The following MAP3K1 variants were observed in gnomAD, a reference collection of about 807,000 sequenced individuals.
MAP3K1 encodes the protein mitogen-activated protein kinase kinase kinase 1, also known as MAP/ERK kinase kinase 1.
MAP3K1 carries 36 observed loss-of-function variants against 144.2 expected under a neutral mutation model. That is an observed-to-expected ratio of 0.25 (90% CI 0.19 to 0.33). The LOEUF (loss-of-function observed/expected upper bound fraction) is 0.33, where lower values mean the gene tolerates loss of function less well. Among genes scored for constraint, MAP3K1 ranks in the 10% least tolerant of loss-of-function variants. The pLI is 1.00. For synonymous variants in MAP3K1, 718 were observed against 688.7 expected (o/e 1.04, Z -0.67); for missense variants, 1,650 against 1,881.9 (o/e 0.88, Z 2.28).
At chr5:56,857,907 T>C (rs1747387701) in intron 2 of MAP3K1, among the ~76,000 whole-genome samples, 1 of 152,216 alleles carries the variant, frequency 6.6e-6, no homozygotes, top group Admixed American at 6.5e-5. Context: ...TAAATCTAAT[T>C]GTTCCTTTCC....
intron 1 of MAP3K1, among the ~76,000 whole-genome samples, chr5:56,849,291 G>T (rs983806384): frequency 6.6e-6 from 1 of 151,420 alleles, no homozygotes; most frequent in Admixed American, 6.6e-5. Context: ...GGAGGTTGCA[G>T]TGAGCCAAGA....
At chr5:56,861,360 T>C in intron 3 of MAP3K1, among the ~76,000 whole-genome samples, 1 of 151,834 alleles carries the variant, frequency 6.6e-6, no homozygotes, top group Non-Finnish European at 1.5e-5. Context: ...TCACTGGAGG[T>C]CAGGAGTTCA....
At chr5:56,826,036 A>G (rs1296489877) in intron 1 of MAP3K1, among the ~76,000 whole-genome samples, 2 of 152,036 alleles carry the variant, frequency 1.3e-5, no homozygotes, top group African/African-American at 4.8e-5. Flanking sequence ...GCATGAATAC[A>G]TAGATAAGGC....
chr5:56,862,352 A>C (rs1337399023), intron 3 of MAP3K1, among the ~76,000 whole-genome samples: 1 of 152,216 alleles, frequency 6.6e-6, no homozygotes, highest in Non-Finnish European at 1.5e-5. Context: ...AGCTAGTTGC[A>C]TGCCCAAACC....
At chr5:56,816,665 A>G (rs1745983405) in intron 1 of MAP3K1, among the ~76,000 whole-genome samples, 1 of 151,996 alleles carries the variant, frequency 6.6e-6, no homozygotes. Flanking sequence ...GCGCGCCCCC[A>G]GCGCCGGCCG....
Position 56,893,787 on chromosome 5 carries a change from T to A in MAP3K1, c.*107T>A. On this transcript the variant is annotated 3_prime_UTR_variant, in exon 20 of 20. Coordinates refer to ENST00000399503, the MANE Select transcript of MAP3K1 (RefSeq NM_005921.2). ...ACTGGCCATGATGCCACTGAACAGC[T>A]ATGAACGAGGCCAGTGGGGAACCCT... 8.1e-7 allele frequency: 1 copy of A among 1,234,264 alleles called. No individual in the cohort carries two copies. The allele number at this position is 1,234,264 out of a possible 1,614,324, so 76.5% of individuals were successfully genotyped here.
intron 9 of MAP3K1, 45 bp from the exon 10 acceptor site, chr5:56,874,987 A>G (rs771324632): frequency 2.5e-6 from 4 of 1,605,356 alleles, no homozygotes; most frequent in South Asian, 1.1e-5. Flanking sequence ...CTCTGGGTCC[A>G]TAAGCTTTTC....
intron 1 of MAP3K1, among the ~76,000 whole-genome samples, chr5:56,835,723 AG>A (rs918279262): frequency 5.3e-5 from 8 of 151,736 alleles, no homozygotes; most frequent in African/African-American, 1.2e-4. Context: ...TAAGATAAAA[AG>A]GGGGGGAATT....
rs376073926 is a variant in MAP3K1 at position 56,882,279 on chromosome 5, C to T, written c.3079C>T (p.Leu1027=). 1.2e-6 allele frequency: 2 copies of T among 1,614,132 alleles called. No homozygotes were observed. Among genetic ancestry groups the T allele is most frequent in the Non-Finnish European group, 1.7e-6 (2 of 1,180,006 alleles). The change falls in exon 14 of 20, where the codon CTA becomes TTA. Residue 1027 remains leucine (L), a synonymous_variant. Transcript: ENST00000399503. ...TCCTCAAACACAGCGCAAGTTTTCT[C>T]TACAATTCCACAGAAACTGTCCTGA... ...ASPQTQRKFS[L]QFHRNCPENK...
chr5:56,841,332 A>G (rs1406685654), intron 1 of MAP3K1, among the ~76,000 whole-genome samples: 2 of 152,100 alleles, frequency 1.3e-5, no homozygotes, highest in African/African-American at 4.8e-5. Flanking sequence ...ATAGAGTCTT[A>G]TACATAATAC....
chr5:56,852,692 A>G (rs1424785164), intron 1 of MAP3K1, among the ~76,000 whole-genome samples: 2 of 152,174 alleles, frequency 1.3e-5, no homozygotes, highest in Admixed American at 6.5e-5. Context: ...TGTATACACT[A>G]TTATTTAAAA....
chr5:56,857,816 G>A (rs898025827), intron 2 of MAP3K1, among the ~76,000 whole-genome samples: 3 of 152,056 alleles, frequency 2.0e-5, no homozygotes, highest in African/African-American at 7.2e-5. Flanking sequence ...TGTGGCTTTC[G>A]ATATCCTCAT....
At chr5:56,824,354 T>C (rs1342196276) in intron 1 of MAP3K1, among the ~76,000 whole-genome samples, 2 of 152,242 alleles carry the variant, frequency 1.3e-5, no homozygotes, top group East Asian at 1.9e-4. Context: ...TTGCTCAGGA[T>C]TGATACTTAT....
Position 56,882,203 on chromosome 5 carries a change from C to T in MAP3K1, c.3003C>T (p.Val1001=), listed in dbSNP as rs2111944657. The change falls in exon 14 of 20, where the codon GTC becomes GTT. Residue 1001 remains valine (V), a synonymous_variant. Transcript: ENST00000399503. ...TACCAGCTGGCACTGCAACAGATGT[C>T]TCTAAGCATAGACTTCAGGGATTCA... ...PSVPAGTATD[V]SKHRLQGFIP... is the part of the protein sequence containing the mutation. 6.2e-7 allele frequency: 1 copy of T among 1,614,146 alleles called. No homozygotes were observed.
chr5:56,891,148 ACC>A lies in MAP3K1; in HGVS notation c.4390-2372_4390-2371del, dbSNP rs71926811. On this transcript the variant is annotated intron_variant, in intron 19 of 19. Coordinates refer to ENST00000399503, the MANE Select transcript of MAP3K1 (RefSeq NM_005921.2). ...ACAAAACACACACAGACACACACAC[ACC>A]CCCCCCCCCCACACACACACACACA... Among the ~76,000 whole-genome samples, 383 of 141,598 alleles carry A rather than the reference ACC, an allele frequency of 2.7e-3. 1 individual carries two copies. Among genetic ancestry groups the A allele is most frequent in the African/African-American group, 9.3e-3 (334 of 35,802 alleles). The allele number at this position is 141,598 out of a possible 152,430, so 92.9% of individuals were successfully genotyped here.
intron 1 of MAP3K1, among the ~76,000 whole-genome samples, chr5:56,853,534 C>T (rs950727462): frequency 2.0e-5 from 3 of 152,010 alleles, no homozygotes; most frequent in African/African-American, 7.3e-5. Flanking sequence ...GTATAGATGG[C>T]GATAACACGT....
chr5:56,872,979 A>G lies in MAP3K1; in HGVS notation c.1660A>G (p.Lys554Glu). 6.2e-7 allele frequency: 1 copy of G among 1,614,066 alleles called. No homozygotes were observed. The highest frequency in any genetic ancestry group is 1.7e-4 in the Middle Eastern group (1 of 6,060). The change falls in exon 9 of 20, where the codon AAA (lysine) becomes GAA (glutamate). Residue 554 changes from lysine to glutamate, a missense_variant. By Grantham distance (56) the Lys-to-Glu change is moderately conservative. This residue lies in a region of MAP3K1 where 841 missense variants were observed against 886.5 expected (regional missense o/e 0.95). Transcript: ENST00000399503. Reference sequence around the variant, plus strand: ...AACTCAGCAAATCCCTCCTGCTTACAAAGATTTAGCTGAGCCATGGATTCA... The same window carrying G: ...AACTCAGCAAATCCCTCCTGCTTACGAAGATTTAGCTGAGCCATGGATTCA... Reference protein sequence around the residue: ...YGTQQIPPAYKDLAEPWIQVF... With the variant: ...YGTQQIPPAYEDLAEPWIQVF...
At chr5:56,826,046 C>T (rs1383158388) in intron 1 of MAP3K1, among the ~76,000 whole-genome samples, 1 of 151,564 alleles carries the variant, frequency 6.6e-6, no homozygotes, top group Non-Finnish European at 1.5e-5. Flanking sequence ...ATAGATAAGG[C>T]ATTTGAAATG....
intron 1 of MAP3K1, among the ~76,000 whole-genome samples, chr5:56,845,038 T>A (rs1472366783): frequency 1.3e-5 from 2 of 152,236 alleles, no homozygotes; most frequent in African/African-American, 2.4e-5. Context: ...TTCGGGGTTA[T>A]CCCCTCTTCT....
Sources: allele counts gnomAD v4.1 joint callset (sites outside exome capture counted in the v4.1 genomes callset), GRCh38; gene constraint gnomAD v4.1.1; regional missense constraint gnomAD v4.1.1; transcripts MANE v1.5; gene names NCBI Gene and HGNC (gene_info 2026-07-23, HGNC 2026-07-21).